PEPD: variants seen among roughly 807,000 people sequenced by gnomAD.
PEPD encodes xaa-Pro dipeptidase.
In PEPD, 53 loss-of-function variants were observed where a neutral mutation model predicts 60.7. That is an observed-to-expected ratio of 0.87 (90% CI 0.70 to 1.10). PEPD has a LOEUF of 1.10. Among genes scored for constraint, PEPD ranks in the 50% least tolerant of loss-of-function variants. The pLI, the probability that PEPD is intolerant of heterozygous loss-of-function variation, is 0.00. For missense variants in PEPD, 711 were observed against 711.9 expected (o/e 1.00, Z 0.01); for synonymous variants, 267 against 284.1 (o/e 0.94, Z 0.60).
At chr19:33,505,767 T>A (rs1970788883) in intron 3 of PEPD, among the ~76,000 whole-genome samples, 1 of 124,316 alleles carries the variant, frequency 8.0e-6, no homozygotes, top group Non-Finnish European at 1.7e-5. Flanking sequence ...CCCTACACAT[T>A]ATTTACTCAC....
intron 4 of PEPD, among the ~76,000 whole-genome samples, chr19:33,497,523 G>A (rs1970630694): frequency 6.6e-6 from 1 of 152,246 alleles, no homozygotes; most frequent in Non-Finnish European, 1.5e-5. Context: ...AGCCAGCTGT[G>A]CCCCATCAGA....
chr19:33,501,017 A>G lies in PEPD; in HGVS notation c.330-16T>C, dbSNP rs1329652040. 3.3e-6 allele frequency: 5 copies of G among 1,533,240 alleles called. No homozygotes were observed. The highest frequency in any genetic ancestry group is 4.5e-6 in the Non-Finnish European group (5 of 1,106,512). The allele number at this position is 1,533,240 out of a possible 1,614,324, so 95.0% of individuals were successfully genotyped here. A position where few individuals can be genotyped will look rare whatever the true frequency, so the allele number is the denominator to read the frequency against. On this transcript the variant is annotated splice_polypyrimidine_tract_variant and intron_variant, in intron 3 of 14. Transcript: ENST00000244137. ...GGAATGGATCCTCAAAGAAAAGCAC[A>G]AGGAATATCAGGGTCAGGGCTTGGT...
At chr19:33,391,857 C>T (rs747135323) in intron 12 of PEPD, among the ~76,000 whole-genome samples, 21 of 152,216 alleles carry the variant, frequency 1.4e-4, no homozygotes, top group Admixed American at 3.3e-4. Flanking sequence ...CCAGGAGAAA[C>T]ATGCACGTCT....
At chr19:33,412,751 C>T (rs1428807935) in intron 10 of PEPD, among the ~76,000 whole-genome samples, 2 of 152,162 alleles carry the variant, frequency 1.3e-5, no homozygotes, top group Admixed American at 6.5e-5. Context: ...ATTCATGTGC[C>T]GGGGACGTGC....
At chr19:33,474,991 A>AT (rs1970190011) in intron 7 of PEPD, among the ~76,000 whole-genome samples, 1 of 116,294 alleles carries the variant, frequency 8.6e-6, no homozygotes, top group African/African-American at 2.7e-5. Flanking sequence ...TAAAAAAAAA[A>AT]AAAAAAAGAC....
intron 6 of PEPD, among the ~76,000 whole-genome samples, chr19:33,489,294 G>A (rs1226254108): frequency 3.3e-5 from 5 of 152,188 alleles, no homozygotes; most frequent in African/African-American, 7.2e-5. Context: ...CAGGGGAGCT[G>A]CTGAGAGCCG....
intron 7 of PEPD, among the ~76,000 whole-genome samples, chr19:33,471,424 G>A (rs10424243): frequency 0.19 from 29,047 of 152,098 alleles, 3,143 homozygotes; most frequent in African/African-American, 0.27. Context: ...GTTTCTCCCT[G>A]TCTTCAGGAG....
chr19:33,424,998 AAACAAC>A (rs920252147), intron 9 of PEPD, among the ~76,000 whole-genome samples: 3 of 117,614 alleles, frequency 2.6e-5, no homozygotes, highest in Non-Finnish European at 6.1e-5. Context: ...ACAAAAAAAC[AAACAAC>A]AACAACAATA....
At chr19:33,507,442 G>T (rs558020455) in intron 3 of PEPD, among the ~76,000 whole-genome samples, 1 of 152,330 alleles carries the variant, frequency 6.6e-6, no homozygotes, top group South Asian at 2.1e-4. Flanking sequence ...GGGGTGAGGA[G>T]TGGGCCGGCT....
intron 11 of PEPD, among the ~76,000 whole-genome samples, chr19:33,403,793 C>T (rs1968555354): frequency 6.6e-6 from 1 of 152,234 alleles, no homozygotes; most frequent in African/African-American, 2.4e-5. Flanking sequence ...GCAGTGTCAA[C>T]AGGGCAGAAA....
intron 6 of PEPD, among the ~76,000 whole-genome samples, chr19:33,485,265 A>T (rs981706391): frequency 1.3e-5 from 2 of 152,082 alleles, no homozygotes; most frequent in African/African-American, 4.8e-5. Context: ...AGGCCGAGGC[A>T]GGTGAATCAC....
chr19:33,401,705 C>G lies in PEPD; in HGVS notation c.967+16G>C. ...GCCACGTCAGATGCGCCTCCCCCCA[C>G]CGACCCGCTGCTCACCTGGCTTCAT... On this transcript the variant is annotated intron_variant, in intron 12 of 14. Transcript: ENST00000244137. 2.5e-6 allele frequency: 4 copies of G among 1,601,432 alleles called. No individual in the cohort carries two copies. The highest frequency in any genetic ancestry group is 3.4e-6 in the Non-Finnish European group (4 of 1,174,770).
intron 8 of PEPD, among the ~76,000 whole-genome samples, chr19:33,463,332 A>G (rs1969963929): frequency 6.6e-6 from 1 of 152,250 alleles, no homozygotes; most frequent in African/African-American, 2.4e-5. Context: ...TGAGGATTTA[A>G]CCACGAGGTG....
At chr19:33,428,957 C>A (rs913445191) in intron 9 of PEPD, among the ~76,000 whole-genome samples, 4 of 152,226 alleles carry the variant, frequency 2.6e-5, no homozygotes, top group Non-Finnish European at 4.4e-5. Flanking sequence ...CCCAGGCAGC[C>A]CCGAGTGGAG....
At chr19:33,424,018 G>T (rs1346921373) in intron 9 of PEPD, among the ~76,000 whole-genome samples, 50 of 152,206 alleles carry the variant, frequency 3.3e-4, no homozygotes, top group Non-Finnish European at 2.1e-4. Context: ...ACTGCCCCTT[G>T]TGCGCTGGCT....
At chr19:33,492,113 A>C (rs1267066446) in intron 5 of PEPD, among the ~76,000 whole-genome samples, 2 of 151,548 alleles carry the variant, frequency 1.3e-5, no homozygotes, top group African/African-American at 2.4e-5. Flanking sequence ...CATGCCTCTT[A>C]TATGAAACTC....
chr19:33,421,452 C>T (rs1469149811), intron 9 of PEPD, among the ~76,000 whole-genome samples: 1 of 152,154 alleles, frequency 6.6e-6, no homozygotes, highest in East Asian at 1.9e-4. Flanking sequence ...AGAACATTTT[C>T]CTTATCAACA....
At chr19:33,500,829 T>C in intron 4 of PEPD, 109 bp downstream of exon 4, 3 of 777,356 alleles carry the variant, frequency 3.9e-6, no homozygotes, top group South Asian at 1.3e-5. Flanking sequence ...GGCCAGGTGG[T>C]AGTGTCCCTG....
intron 1 of PEPD, among the ~76,000 whole-genome samples, chr19:33,517,147 C>T (rs1971037822): frequency 6.6e-6 from 1 of 152,204 alleles, no homozygotes; most frequent in African/African-American, 2.4e-5. Flanking sequence ...CAACACTACA[C>T]TCCAGCCTGG....
Sources: gnomAD v4.1 joint callset for allele counts (sites outside exome capture counted in the v4.1 genomes callset) on GRCh38, gnomAD v4.1.1 for gene constraint, MANE v1.5 for transcripts, NCBI Gene and HGNC (gene_info 2026-07-23, HGNC 2026-07-21) for gene names.